COL6A6: variants seen among roughly 807,000 people sequenced by gnomAD.
The protein encoded by COL6A6 is collagen type VI alpha 6 chain.
COL6A6 carries 183 observed loss-of-function variants against 208.6 expected under a neutral mutation model. The observed-to-expected ratio is 0.88, with a 90% CI of 0.78 to 0.99. The LOEUF is 0.99. Ranked by LOEUF, COL6A6 falls within the 50% of genes least tolerant of loss-of-function variation. COL6A6 has a pLI of 0.00. For synonymous variants in COL6A6, 973 were observed against 1,011.8 expected, an observed-to-expected ratio of 0.96 and a Z score of 0.73; for missense variants, 2,816 against 2,815.2, an observed-to-expected ratio of 1.00 and a Z score of -0.01.
intron 12 of COL6A6, 37 bp from the exon 13 acceptor site, chr3:130,591,004 A>C (rs2063700130): frequency 1.3e-6 from 2 of 1,513,984 alleles, no homozygotes; most frequent in African/African-American, 2.8e-5. Flanking sequence ...TTTTTGGTCC[A>C]TAGATGCAAA....
intron 23 of COL6A6, among the ~76,000 whole-genome samples, chr3:130,614,388 A>G (rs776348316): frequency 2.0e-5 from 3 of 152,132 alleles, no homozygotes; most frequent in Non-Finnish European, 4.4e-5. Context: ...TAGCTTTTTG[A>G]TGTGCTACTG....
At chr3:130,623,448 G>A (rs1328487723) in intron 24 of COL6A6, among the ~76,000 whole-genome samples, 1 of 152,184 alleles carries the variant, frequency 6.6e-6, no homozygotes, top group Admixed American at 6.5e-5. Context: ...GACAGAGTAA[G>A]ACTCCATCTC....
At chr3:130,635,653 A>G (rs752315157) in intron 27 of COL6A6, 46 bp from the exon 28 acceptor site, 15 of 1,243,156 alleles carry the variant, frequency 1.2e-5, no homozygotes, top group East Asian at 5.0e-5. Context: ...TTACATATGT[A>G]TATGTTTGAT....
chr3:130,610,769 T>C (rs2064334178), intron 23 of COL6A6, 58 bp downstream of exon 23: 1 of 1,292,860 alleles, frequency 7.7e-7, no homozygotes, highest in Non-Finnish European at 1.1e-6. Flanking sequence ...TATGTCTTTG[T>C]GGTTTCTTCC....
chr3:130,571,081 G>A lies in COL6A6; in HGVS notation c.2665G>A (p.Ala889Thr), dbSNP rs1443551622. Residue 889 changes from alanine (A) to threonine (T), a missense_variant, in exon 7 of 37, where the codon GCT (alanine) becomes ACT (threonine). Physicochemically the swap from Ala to Thr is moderately conservative, Grantham distance 58. Transcript: ENST00000358511. ...DQAMGGSTYT[A>T]EALGFSDHMF... ...AGCCATGGGTGGCAGTACTTATACT[G>A]CTGAGGCACTGGGCTTCTCAGACCA... 1.9e-6 allele frequency: 3 copies of A among 1,613,832 alleles called. No homozygotes were observed. The highest frequency in any genetic ancestry group is 4.5e-5 in the East Asian group (2 of 44,876).
chr3:130,528,097 AAAT>A (rs1220816651), intron 1 of COL6A6, among the ~76,000 whole-genome samples: 2 of 152,132 alleles, frequency 1.3e-5, no homozygotes, highest in East Asian at 3.8e-4. Context: ...ATGCTATGAA[AAAT>A]AATAAGATGC....
chr3:130,598,314 A>C, intron 18 of COL6A6, 51 bp from the exon 19 acceptor site: 1 of 1,243,470 alleles, frequency 8.0e-7, no homozygotes, highest in Non-Finnish European at 1.1e-6. Context: ...TTATATGTTT[A>C]AGGAGAAATG....
chr3:130,594,118 G>T lies in COL6A6; in HGVS notation c.4471-163G>T, dbSNP rs72994330. ...GAGTTCACTATTAAATTATTTATATGGTGCTTGAAACTAATTTTTTCGGTT... is the reference window on the plus strand; with the variant it reads ...GAGTTCACTATTAAATTATTTATATTGTGCTTGAAACTAATTTTTTCGGTT... On this transcript the variant is annotated intron_variant, in intron 17 of 36. Transcript: ENST00000358511. 8.0e-3 allele frequency among the ~76,000 whole-genome samples: 1,223 copies of T among 152,228 alleles called. 13 individuals are homozygous for T. The highest frequency in any genetic ancestry group is 0.028 in the African/African-American group (1,150 of 41,530).
chr3:130,652,031 AC>A (rs2065659786), intron 33 of COL6A6, among the ~76,000 whole-genome samples: 1 of 152,084 alleles, frequency 6.6e-6, no homozygotes, highest in South Asian at 2.1e-4. Context: ...CTTCATAATG[AC>A]CCCCATTAAT....
intron 23 of COL6A6, among the ~76,000 whole-genome samples, chr3:130,619,217 C>T (rs1032387130): frequency 8.5e-5 from 13 of 152,148 alleles, no homozygotes; most frequent in Non-Finnish European, 1.2e-4. Context: ...TTACTTACAG[C>T]GTAGAGGAAT....
At chr3:130,650,564 C>T (rs2065610743) in intron 33 of COL6A6, among the ~76,000 whole-genome samples, 2 of 150,516 alleles carry the variant, frequency 1.3e-5, no homozygotes, top group South Asian at 2.1e-4. Context: ...GAGCCAAGAT[C>T]GTGCCATTGC....
chr3:130,607,551 A>T (rs569188884), intron 21 of COL6A6, among the ~76,000 whole-genome samples: 55 of 152,362 alleles, frequency 3.6e-4, no homozygotes, highest in Non-Finnish European at 7.2e-4. Context: ...CTCAATGGCA[A>T]CATGGTGAGA....
intron 33 of COL6A6, among the ~76,000 whole-genome samples, chr3:130,650,292 G>T (rs184551106): frequency 7.9e-5 from 12 of 152,248 alleles, no homozygotes; most frequent in Admixed American, 3.3e-4. Flanking sequence ...TGAAGGGGGG[G>T]GCCAGGGAGC....
At chr3:130,657,031 G>A (rs554930536) in intron 33 of COL6A6, among the ~76,000 whole-genome samples, 4 of 152,370 alleles carry the variant, frequency 2.6e-5, no homozygotes, top group African/African-American at 9.6e-5. Flanking sequence ...GCCGCAGCCA[G>A]ACGGCTGCAA....
chr3:130,543,286 C>T (rs1456635820), intron 1 of COL6A6, among the ~76,000 whole-genome samples: 1 of 152,104 alleles, frequency 6.6e-6, no homozygotes, highest in Non-Finnish European at 1.5e-5. Flanking sequence ...GTTTTTTGAT[C>T]CACTCAGACA....
At chr3:130,650,663 A>T (rs1408808427) in intron 33 of COL6A6, among the ~76,000 whole-genome samples, 2 of 152,190 alleles carry the variant, frequency 1.3e-5, no homozygotes, top group African/African-American at 4.8e-5. Context: ...TTATTTAGAG[A>T]AAATAAGACA....
At chr3:130,549,447 G>T (rs2062594337) in intron 1 of COL6A6, among the ~76,000 whole-genome samples, 2 of 152,084 alleles carry the variant, frequency 1.3e-5, no homozygotes, top group South Asian at 2.1e-4. Context: ...TCATGTCTTT[G>T]TCATGAAATC....
chr3:130,543,004 C>T (rs1466049733), intron 1 of COL6A6, among the ~76,000 whole-genome samples: 1 of 148,630 alleles, frequency 6.7e-6, no homozygotes, highest in South Asian at 2.1e-4. Context: ...CTCCCGGGTT[C>T]AAGGGATTCT....
chr3:130,620,171 C>T (rs1164726517), intron 23 of COL6A6, among the ~76,000 whole-genome samples: 1 of 151,954 alleles, frequency 6.6e-6, no homozygotes, highest in Non-Finnish European at 1.5e-5. Context: ...TAATATATGG[C>T]TCTGGTGTTC....
Sources: allele counts gnomAD v4.1 joint callset (sites outside exome capture counted in the v4.1 genomes callset), GRCh38; gene constraint gnomAD v4.1.1; transcripts MANE v1.5; gene names NCBI Gene and HGNC (gene_info 2026-07-23, HGNC 2026-07-21).